The following KCNMA1 variants were observed in gnomAD, a reference collection of about 807,000 sequenced individuals.
KCNMA1 encodes the protein Calcium-activated potassium channel subunit alpha-1.
A neutral mutation model predicts 140.0 loss-of-function variants in KCNMA1; 29 were observed. The observed-to-expected ratio is 0.21, with a 90% confidence interval of 0.15 to 0.28. KCNMA1 has a LOEUF of 0.28. KCNMA1 is among the 10% of genes least tolerant of loss of function. The pLI is 1.00. For missense variants in KCNMA1, 880 were observed against 1,602.2 expected, an observed-to-expected ratio of 0.55 and a Z score of 7.70; for synonymous variants, 612 against 611.9, an observed-to-expected ratio of 1.00 and a Z score of 0.00.
At chr10:77,042,912 G>A (rs1232384970) in intron 14 of KCNMA1, among the ~76,000 whole-genome samples, 22 of 152,144 alleles carry the variant, frequency 1.4e-4, no homozygotes, top group Admixed American at 1.4e-3. Context: ...TCTAGCTTCT[G>A]ATTAAATCAA....
chr10:76,974,581 A>G (rs1449071485), intron 19 of KCNMA1: 1 of 1,528,944 alleles, frequency 6.5e-7, no homozygotes, highest in South Asian at 1.2e-5. Context: ...TGACTGCCAA[A>G]CAATAAGGAG....
At chr10:76,949,016 T>C in intron 22 of KCNMA1, 126 bp downstream of exon 22, 1 of 858,574 alleles carries the variant, frequency 1.2e-6, no homozygotes, top group Non-Finnish European at 2.0e-6. Context: ...AAGTGCTGAG[T>C]CCTCAGGCCC....
At chr10:77,620,214 G>A (rs2090950666) in intron 1 of KCNMA1, among the ~76,000 whole-genome samples, 1 of 152,140 alleles carries the variant, frequency 6.6e-6, no homozygotes, top group Non-Finnish European at 1.5e-5. Context: ...GGCCAGTTAT[G>A]CAACCATCCT....
intron 1 of KCNMA1, among the ~76,000 whole-genome samples, chr10:77,597,656 C>G (rs573884880): frequency 6.6e-6 from 1 of 152,218 alleles, no homozygotes; most frequent in Non-Finnish European, 1.5e-5. Flanking sequence ...CCTTCCCCTC[C>G]TTCTGTGACT....
chr10:77,031,493 A>G (rs1028996546), intron 15 of KCNMA1, among the ~76,000 whole-genome samples: 2 of 152,200 alleles, frequency 1.3e-5, no homozygotes, highest in Non-Finnish European at 2.9e-5. Context: ...TTTAATCCCT[A>G]CTATAATAGG....
chr10:76,877,395 C>A (rs985864913), downstream of KCNMA1: 1 of 157,062 alleles, frequency 6.4e-6, no homozygotes, highest in Non-Finnish European at 1.4e-5. Context: ...AGGAGTCTGA[C>A]CACTTATTCA....
intron 1 of KCNMA1, among the ~76,000 whole-genome samples, chr10:77,453,218 A>G (rs1419844784): frequency 4.6e-5 from 7 of 152,172 alleles, no homozygotes; most frequent in African/African-American, 1.7e-4. Flanking sequence ...CTAAGCACTC[A>G]GTTTTAAAAT....
rs1162505156 is a variant in KCNMA1 at position 77,241,496 on chromosome 10, T to TTA, written c.602+9698_602+9699insTA. Among the ~76,000 whole-genome samples, 20 of 150,884 alleles carry TTA rather than the reference T, an allele frequency of 1.3e-4. No homozygotes were observed. In the East Asian group the frequency reaches 3.5e-3, roughly 27 times the overall value. On this transcript the variant is annotated intron_variant, in intron 3 of 27. Coordinates refer to ENST00000286628, the MANE Select transcript of KCNMA1 (RefSeq NM_001161352.2). ...CCCCCATCTCTACAATAATTTTTTT[T>TTA]AATTAGCTGGGCATGATGGTGCCCA...
intron 1 of KCNMA1, among the ~76,000 whole-genome samples, chr10:77,615,924 T>C (rs2089293305): frequency 6.6e-6 from 1 of 152,178 alleles, no homozygotes; most frequent in Admixed American, 6.5e-5. Flanking sequence ...GGGCCATTTA[T>C]TGAGGACTTA....
At chr10:77,265,496 T>C (rs190516147) in intron 2 of KCNMA1, among the ~76,000 whole-genome samples, 224 of 152,320 alleles carry the variant, frequency 1.5e-3, no homozygotes, top group African/African-American at 4.7e-3. Flanking sequence ...AACATGGGTA[T>C]AAAAACATTT....
chr10:77,030,432 T>C (rs1460564422), intron 15 of KCNMA1, among the ~76,000 whole-genome samples: 1 of 152,218 alleles, frequency 6.6e-6, no homozygotes, highest in Non-Finnish European at 1.5e-5. Context: ...GTAACCACTT[T>C]CTAATGTAAA....
intron 5 of KCNMA1, among the ~76,000 whole-genome samples, chr10:77,178,597 G>A (rs1285018260): frequency 2.0e-5 from 3 of 152,024 alleles, no homozygotes; most frequent in Admixed American, 6.6e-5. Context: ...CTGAGCTATC[G>A]GGGAGGCTGA....
intron 1 of KCNMA1, among the ~76,000 whole-genome samples, chr10:77,543,632 T>C (rs1402777594): frequency 2.6e-5 from 4 of 151,974 alleles, no homozygotes; most frequent in Non-Finnish European, 4.4e-5. Context: ...AGTTAGCAGG[T>C]CAAAGAAAAC....
intron 16 of KCNMA1, among the ~76,000 whole-genome samples, chr10:77,021,882 A>T (rs766030555): frequency 5.3e-5 from 8 of 152,226 alleles, no homozygotes; most frequent in Admixed American, 6.5e-5. Context: ...AGATACATAA[A>T]GATGCTCTTG....
chr10:77,332,259 A>G (rs560815084), intron 2 of KCNMA1, among the ~76,000 whole-genome samples: 1 of 152,122 alleles, frequency 6.6e-6, no homozygotes, highest in Admixed American at 6.6e-5. Flanking sequence ...AAGGAGAGAG[A>G]GTTGCTCTGA....
chr10:77,242,136 C>G (rs1296650891), intron 3 of KCNMA1, among the ~76,000 whole-genome samples: 1 of 152,206 alleles, frequency 6.6e-6, no homozygotes, highest in Non-Finnish European at 1.5e-5. Context: ...ACGTCGCACA[C>G]TGACCTCAGT....
At chr10:77,352,622 GT>G (rs1443544975) in intron 2 of KCNMA1, among the ~76,000 whole-genome samples, 4 of 43,660 alleles carry the variant, frequency 9.2e-5, no homozygotes, top group Admixed American at 1.7e-4. Flanking sequence ...GCAGTACAGG[GT>G]GTGTGTGTGT....
At chr10:77,074,731 G>T (rs2096332591) in intron 13 of KCNMA1, among the ~76,000 whole-genome samples, 1 of 152,182 alleles carries the variant, frequency 6.6e-6, no homozygotes, top group Admixed American at 6.5e-5. Flanking sequence ...AAAGGTCTTT[G>T]TCCCTAAGAC....
At chr10:77,130,421 A>C (rs1564716557) in intron 5 of KCNMA1, among the ~76,000 whole-genome samples, 1 of 152,188 alleles carries the variant, frequency 6.6e-6, no homozygotes, top group African/African-American at 2.4e-5. Context: ...TATTAAATGC[A>C]TTCTCAAACT....
Sources: allele counts gnomAD v4.1 joint callset (sites outside exome capture counted in the v4.1 genomes callset), GRCh38; gene constraint gnomAD v4.1.1; transcripts MANE v1.5; gene names NCBI Gene and HGNC (gene_info 2026-07-23, HGNC 2026-07-21).